Variants in AVL9 observed in about 807,000 individuals in gnomAD.
The protein encoded by AVL9 is late secretory pathway protein AVL9 homolog.
AVL9 carries 49 observed loss-of-function variants against 79.2 expected under a neutral mutation model. That is an observed-to-expected ratio of 0.62 (90% confidence interval 0.49 to 0.79). AVL9 has a LOEUF of 0.79. AVL9 is among the 30% of genes least tolerant of loss of function. The pLI is 0.00. For synonymous variants in AVL9, 299 were observed against 280.6 expected (o/e 1.07, Z -0.65); for missense variants, 682 against 776.8 (o/e 0.88, Z 1.45).
At chr7:32,576,163 T>A in intron 13 of AVL9, 91 bp downstream of exon 13, 1 of 874,232 alleles carries the variant, frequency 1.1e-6, no homozygotes, top group Non-Finnish European at 1.8e-6. Context: ...TTTGATATTG[T>A]GAATATCCTC....
intron 1 of AVL9, among the ~76,000 whole-genome samples, chr7:32,514,506 A>G (rs1198422109): frequency 6.6e-6 from 1 of 152,222 alleles, no homozygotes; most frequent in African/African-American, 2.4e-5. Context: ...GATGGCCTAA[A>G]GTAACTGAAG....
intron 4 of AVL9, among the ~76,000 whole-genome samples, chr7:32,549,330 T>C (rs1415038676): frequency 6.6e-6 from 1 of 151,248 alleles, no homozygotes; most frequent in Non-Finnish European, 1.5e-5. Context: ...GCTCAAGCAA[T>C]CCTCCCACCT....
intron 1 of AVL9, among the ~76,000 whole-genome samples, chr7:32,498,080 A>G (rs2128109064): frequency 6.6e-6 from 1 of 152,370 alleles, no homozygotes; most frequent in African/African-American, 2.4e-5. Flanking sequence ...GCCTTTCAGC[A>G]GTCCGCTTGG....
chr7:32,577,195 C>T (rs529337381), intron 13 of AVL9, among the ~76,000 whole-genome samples: 1 of 152,032 alleles, frequency 6.6e-6, no homozygotes, highest in Non-Finnish European at 1.5e-5. Flanking sequence ...TTTAGCCAGG[C>T]GTGGTGGTGG....
At chr7:32,568,173 C>CT (rs571008323) in intron 10 of AVL9, among the ~76,000 whole-genome samples, 26 of 150,520 alleles carry the variant, frequency 1.7e-4, no homozygotes, top group African/African-American at 2.4e-4. Context: ...CCCGCTTATT[C>CT]TTTTTTTTAC....
At chr7:32,547,121 C>T (rs1194906441) in intron 3 of AVL9, among the ~76,000 whole-genome samples, 1 of 152,184 alleles carries the variant, frequency 6.6e-6, no homozygotes, top group East Asian at 1.9e-4. Context: ...CAAGAGGTGA[C>T]ACACAGACAT....
At chr7:32,581,085 TAGAG>T (rs1474096014) in intron 15 of AVL9, 195 bp downstream of exon 15, 2 of 511,092 alleles carry the variant, frequency 3.9e-6, no homozygotes, top group Admixed American at 3.6e-5. Context: ...CATTATCTAA[TAGAG>T]AGTGACAAAA....
At chr7:32,568,476 C>G (rs150623746) in intron 10 of AVL9, among the ~76,000 whole-genome samples, 3,454 of 152,294 alleles carry the variant, frequency 0.023, 126 homozygotes, top group African/African-American at 0.078. Context: ...GCTGGGATTA[C>G]AGGCATGAGC....
intron 15 of AVL9, 85 bp downstream of exon 15, chr7:32,580,975 T>C (rs555797811): frequency 1.2e-5 from 12 of 1,030,998 alleles, no homozygotes; most frequent in Admixed American, 2.2e-5. Flanking sequence ...AAAACAAACA[T>C]AAAGTTGTAA....
chr7:32,533,556 GAT>G (rs1433116128), intron 1 of AVL9: 1 of 152,198 alleles, frequency 6.6e-6, no homozygotes, highest in Non-Finnish European at 1.5e-5. Context: ...CTTTTCAAGA[GAT>G]ATGAGAAAGA....
intron 10 of AVL9, among the ~76,000 whole-genome samples, chr7:32,568,964 CA>C (rs944602162): frequency 2.6e-5 from 4 of 152,162 alleles, no homozygotes; most frequent in African/African-American, 9.7e-5. Flanking sequence ...AATTACCAGA[CA>C]TATATTCCAA....
chr7:32,541,708 T>C (rs1357055655), intron 1 of AVL9, among the ~76,000 whole-genome samples: 1 of 145,214 alleles, frequency 6.9e-6, no homozygotes, highest in Non-Finnish European at 1.5e-5. Context: ...ATGCCTCACC[T>C]TCAGTTAATT....
chr7:32,547,413 A>T (rs1450291793), intron 3 of AVL9, among the ~76,000 whole-genome samples: 1 of 152,222 alleles, frequency 6.6e-6, no homozygotes, highest in Non-Finnish European at 1.5e-5. Flanking sequence ...ACATACTTAT[A>T]TGTGAGATGA....
rs1227025763 is a variant in AVL9, at chr7:32,548,144, C to CTCTTTTTTTTTTTTTTTTTT, written c.301-702_301-701insCTTTTTTTTTTTTTTTTTTT. On this transcript the variant is annotated intron_variant, in intron 3 of 15. Transcript: ENST00000318709. The stretch of plus-strand genomic sequence containing the variant: ...AACAAGCTGTCTGTTTTTGTCATCT[C>CTCTTTTTTTTTTTTTTTTTT]TTTTTTCTTTTTTTTTTTTTTGAGA... Among the ~76,000 whole-genome samples, 153 of 57,538 alleles carry CTCTTTTTTTTTTTTTTTTTT rather than the reference C, an allele frequency of 2.7e-3. 2 individuals are homozygous for CTCTTTTTTTTTTTTTTTTTT. The highest frequency in any genetic ancestry group is 7.7e-3 in the African/African-American group (143 of 18,472). 37.7% of individuals were successfully genotyped at this position (57,538 alleles called of 152,430 possible). A position where few individuals can be genotyped will look rare whatever the true frequency, so the allele number is the denominator to read the frequency against.
chr7:32,572,958 G>C (rs771853778), intron 11 of AVL9, among the ~76,000 whole-genome samples: 2 of 152,068 alleles, frequency 1.3e-5, no homozygotes, highest in South Asian at 2.1e-4. Context: ...ATCTAGGTGA[G>C]TAATTTTGTA....
Position 32,585,019 on chromosome 7 carries a change from C to T in AVL9, c.*1112C>T, listed in dbSNP as rs1791712774. 6.6e-6 allele frequency: 1 copy of T among 152,318 alleles called. No individual in the cohort carries two copies. Among genetic ancestry groups the T allele is most frequent in the Admixed American group, 6.5e-5 (1 of 15,284 alleles). The allele number at this position is 152,318 out of a possible 1,614,324, so 9.4% of individuals were successfully genotyped here. A position where few individuals can be genotyped will look rare whatever the true frequency, so the allele number is the denominator to read the frequency against. ...TCCTGGCCTCAAGTGATCTGCCCGC[C>T]TCAGCCTCTCAAAGTGCTGGGACTA... On this transcript the variant is annotated 3_prime_UTR_variant, in exon 16 of 16. Coordinates refer to ENST00000318709, the MANE Select transcript of AVL9 (RefSeq NM_015060.3).
intron 1 of AVL9, among the ~76,000 whole-genome samples, chr7:32,522,623 T>C (rs1221198687): frequency 1.3e-5 from 2 of 152,130 alleles, no homozygotes; most frequent in African/African-American, 4.8e-5. Context: ...CTTTGGTCTG[T>C]GGACTTTTAG....
intron 10 of AVL9, among the ~76,000 whole-genome samples, chr7:32,563,578 C>G (rs1269854132): frequency 6.7e-6 from 1 of 150,230 alleles, no homozygotes; most frequent in African/African-American, 2.5e-5. Context: ...ATCTTGCAGT[C>G]TACCATGAAA....
At chr7:32,534,399 T>A (rs1159488033) in intron 1 of AVL9, 1 of 152,026 alleles carries the variant, frequency 6.6e-6, no homozygotes, top group Non-Finnish European at 1.5e-5. Context: ...TTTTTTTTTT[T>A]TAAGAGAAAA....
Sources: gnomAD v4.1 joint callset for allele counts (sites outside exome capture counted in the v4.1 genomes callset) on GRCh38, gnomAD v4.1.1 for gene constraint, MANE v1.5 for transcripts, NCBI Gene and HGNC (gene_info 2026-07-23, HGNC 2026-07-21) for gene names.